CACHD1: variants seen among roughly 807,000 people sequenced by gnomAD.
CACHD1 encodes cache domain containing 1, also known as VWFA and cache domain-containing protein 1.
CACHD1 carries 71 observed loss-of-function variants against 138.7 expected under a neutral mutation model. The observed-to-expected ratio is 0.51, with a 90% CI of 0.42 to 0.62. The LOEUF is 0.62. Ranked by LOEUF, CACHD1 falls within the 20% of genes least tolerant of loss-of-function variation. CACHD1 has a pLI of 0.00. For synonymous variants in CACHD1, 578 were observed against 591.5 expected, an observed-to-expected ratio of 0.98 and a Z score of 0.33; for missense variants, 1,389 against 1,625.3, an observed-to-expected ratio of 0.85 and a Z score of 2.50.
intron 1 of CACHD1, among the ~76,000 whole-genome samples, chr1:64,524,520 A>T (rs1283254289): frequency 6.6e-6 from 1 of 152,182 alleles, no homozygotes; most frequent in Non-Finnish European, 1.5e-5. Flanking sequence ...CTAACCAGGG[A>T]TATAGGAATA....
chr1:64,531,783 G>A (rs1164014274), intron 1 of CACHD1, among the ~76,000 whole-genome samples: 1 of 152,300 alleles, frequency 6.6e-6, no homozygotes, highest in East Asian at 1.9e-4. Flanking sequence ...TACACTGACG[G>A]GTTTGGTTGG....
chr1:64,608,821 AAG>A (rs1219901575), intron 4 of CACHD1, among the ~76,000 whole-genome samples: 2 of 151,958 alleles, frequency 1.3e-5, no homozygotes, highest in South Asian at 2.1e-4. Flanking sequence ...CTGATCCCTA[AAG>A]AGAGTTTATT....
intron 2 of CACHD1, among the ~76,000 whole-genome samples, chr1:64,572,422 C>G (rs1016638820): frequency 6.6e-6 from 1 of 151,930 alleles, no homozygotes; most frequent in African/African-American, 2.4e-5. Context: ...TTGTTATGAT[C>G]TGGTTGTTAA....
chr1:64,611,559 A>T (rs1162671964), intron 4 of CACHD1, among the ~76,000 whole-genome samples: 1 of 152,248 alleles, frequency 6.6e-6, no homozygotes, highest in African/African-American at 2.4e-5. Flanking sequence ...TTGCCAGGGC[A>T]GAAGCAAAAG....
chr1:64,628,319 A>G (rs570799107), intron 4 of CACHD1, among the ~76,000 whole-genome samples: 7 of 152,320 alleles, frequency 4.6e-5, no homozygotes, highest in South Asian at 4.1e-4. Flanking sequence ...TTCCATCTGT[A>G]TAAGTCTGCT....
chr1:64,640,892 G>GTT (rs34063875), intron 7 of CACHD1, among the ~76,000 whole-genome samples: 45 of 150,308 alleles, frequency 3.0e-4, no homozygotes, highest in East Asian at 2.3e-3. Context: ...AATCACCTTT[G>GTT]TTTTTTTTTA....
At chr1:64,590,027 G>A (rs1403068845) in intron 3 of CACHD1, among the ~76,000 whole-genome samples, 5 of 152,122 alleles carry the variant, frequency 3.3e-5, no homozygotes, top group African/African-American at 9.7e-5. Flanking sequence ...TTAATGCTCA[G>A]CCGGGCGCAG....
In CACHD1 at chr1:64,559,929, G is replaced by A. The variant is rs116811313; in HGVS notation, c.261+9273G>A. Among the ~76,000 whole-genome samples the A allele has an allele frequency of 3.7e-3, 562 of 152,146 alleles. 3 individuals carry two copies. The highest frequency in any genetic ancestry group is 6.1e-3 in the Non-Finnish European group (415 of 67,994). ...TATCCTAGTATGTCAATTTTGGTAAGTTGATATTTTAAAAAAGAAATTTGC... is the reference window on the plus strand; with the variant it reads ...TATCCTAGTATGTCAATTTTGGTAAATTGATATTTTAAAAAAGAAATTTGC... On this transcript the variant is annotated intron_variant, in intron 2 of 26. Coordinates refer to ENST00000651257, the MANE Select transcript of CACHD1 (RefSeq NM_020925.4).
chr1:64,511,968 G>C (rs1646423938), intron 1 of CACHD1, among the ~76,000 whole-genome samples: 1 of 152,176 alleles, frequency 6.6e-6, no homozygotes, highest in Non-Finnish European at 1.5e-5. Flanking sequence ...GGCATGTATA[G>C]TAAGACTTTT....
chr1:64,623,212 G>A (rs1647978115), intron 4 of CACHD1, among the ~76,000 whole-genome samples: 1 of 152,044 alleles, frequency 6.6e-6, no homozygotes, highest in Admixed American at 6.6e-5. Context: ...GACCAGCCTG[G>A]CCAACATGGT....
chr1:64,686,970 TCAAA>T (rs747509899), intron 26 of CACHD1, among the ~76,000 whole-genome samples: 19 of 152,242 alleles, frequency 1.2e-4, no homozygotes, highest in Non-Finnish European at 2.1e-4. Flanking sequence ...CCCCTTATAA[TCAAA>T]CAAAGTTTCT....
At chr1:64,538,332 TC>T (rs1486796602) in intron 1 of CACHD1, among the ~76,000 whole-genome samples, 3 of 152,288 alleles carry the variant, frequency 2.0e-5, no homozygotes, top group African/African-American at 7.2e-5. Context: ...ATTTGGGTAC[TC>T]CCCCCTGCAG....
rs375850221 is a variant in CACHD1, at chr1:64,546,964, G to A, written c.199-3630G>A. On this transcript the variant is annotated intron_variant, in intron 1 of 26. Transcript: ENST00000651257. ...TTTTTTTCCTACATGCAAGTATTAG[G>A]ATTCCTAGGCTATACAGAAGAAGAA... Among the ~76,000 whole-genome samples the A allele has an allele frequency of 2.3e-3, 351 of 152,146 alleles. 3 individuals are homozygous for A. The highest frequency in any genetic ancestry group is 8.1e-3 in the African/African-American group (337 of 41,500).
intron 12 of CACHD1, among the ~76,000 whole-genome samples, chr1:64,657,975 A>T (rs1484248334): frequency 6.6e-6 from 1 of 152,200 alleles, no homozygotes; most frequent in Non-Finnish European, 1.5e-5. Context: ...GTCCCCACTA[A>T]ATTTTGTTGA....
intron 7 of CACHD1, among the ~76,000 whole-genome samples, chr1:64,638,087 C>T (rs71645597): frequency 0.017 from 2,591 of 152,274 alleles, 38 homozygotes; most frequent in Non-Finnish European, 0.025. Flanking sequence ...AGACTTCTAG[C>T]TCCAGCTAAA....
rs115110036 is a variant in CACHD1, at chr1:64,489,247, T to C, written c.198+18305T>C. ...AACTTGGTTTTTTATTTCCGTCTTA[T>C]AACTGAGCTGCCAGTTGCCCTGAGA... On this transcript the variant is annotated intron_variant, in intron 1 of 26. Coordinates refer to ENST00000651257, the MANE Select transcript of CACHD1 (RefSeq NM_020925.4). 2.5e-3 allele frequency among the ~76,000 whole-genome samples: 388 copies of C among 152,344 alleles called. 1 individual carries two copies. The highest frequency in any genetic ancestry group is 9.0e-3 in the African/African-American group (376 of 41,570).
Position 64,671,687 on chromosome 1 carries a change from G to GT in CACHD1, c.2510+2dup. Reference sequence around the variant, plus strand: ...ACCAAGATGGTGGCAACAAAATAAGGTAAGTGCTTTGGGGATGCTATTTCC... The same window carrying GT: ...ACCAAGATGGTGGCAACAAAATAAGGTTAAGTGCTTTGGGGATGCTATTTCC... On this transcript the variant is annotated splice_donor_variant, in intron 17 of 26. Coordinates refer to ENST00000651257, the MANE Select transcript of CACHD1 (RefSeq NM_020925.4). LOFTEE classifies it high-confidence loss of function. The GT allele has an allele frequency of 6.2e-7, 1 of 1,613,992 alleles. No individual in the cohort carries two copies. Among genetic ancestry groups the GT allele is most frequent in the Non-Finnish European group, 8.5e-7 (1 of 1,179,912 alleles).
At chr1:64,508,502 C>G (rs1646394260) in intron 1 of CACHD1, among the ~76,000 whole-genome samples, 1 of 152,138 alleles carries the variant, frequency 6.6e-6, no homozygotes, top group African/African-American at 2.4e-5. Flanking sequence ...ATTTATCTGT[C>G]TAAACCTCAA....
rs751828812 is a variant in CACHD1 at position 64,470,931 on chromosome 1, G to T, written c.187G>T (p.Val63Phe). 6.2e-6 allele frequency: 10 copies of T among 1,602,424 alleles called. No homozygotes were observed. The highest frequency in any genetic ancestry group is 4.0e-5 in the African/African-American group (3 of 74,628). The change falls in exon 1 of 27, where the codon GTC (valine) becomes TTC (phenylalanine). Residue 63 changes from valine (V) to phenylalanine (F), a missense_variant. By Grantham distance (50) the Val-to-Phe change is conservative. This residue lies in a region of CACHD1 where 1,000 missense variants were observed against 1,114.7 expected (regional missense o/e 0.90). Coordinates refer to ENST00000651257, the MANE Select transcript of CACHD1 (RefSeq NM_020925.4). This position sits in a 1 kb window ranked among gnomAD's most constrained non-coding sequence, Gnocchi z 5.2. The stretch of plus-strand genomic sequence containing the variant: ...GCTGGCGGCCGAGGAGCTGGGGGTC[G>T]TCACCATGCAGGTAAGTGGCCCCCG... ...RRLAAEELGVVTMQRIFNSFV... is the reference protein window; with the variant it reads ...RRLAAEELGVFTMQRIFNSFV...
Sources: allele counts gnomAD v4.1 joint callset (sites outside exome capture counted in the v4.1 genomes callset), GRCh38; gene constraint gnomAD v4.1.1; regional missense constraint gnomAD v4.1.1; non-coding constraint Gnocchi (gnomAD v3.1); transcripts MANE v1.5; gene names NCBI Gene and HGNC (gene_info 2026-07-23, HGNC 2026-07-21).